The following ESRRG variants were observed in gnomAD, a reference collection of about 807,000 sequenced individuals.
ESRRG encodes the protein estrogen-related receptor gamma.
Under a neutral mutation model 44.0 loss-of-function variants are expected in ESRRG, and 13 were observed. The ratio of observed to expected loss-of-function variants is 0.30; its 90% CI spans 0.19 to 0.47. The LOEUF is 0.47. Ranked by LOEUF, ESRRG falls within the 20% of genes least tolerant of loss-of-function variation. The pLI, the probability that ESRRG is intolerant of heterozygous loss-of-function variation, is 1.00. For missense variants in ESRRG, 395 were observed against 580.6 expected (o/e 0.68, Z 3.29); for synonymous variants, 215 against 214.6 (o/e 1.00, Z -0.02).
intron 3 of ESRRG, 91 bp downstream of exon 3, chr1:216,650,882 T>A: frequency 1.3e-6 from 1 of 787,296 alleles, no homozygotes; most frequent in Non-Finnish European, 2.3e-6. Flanking sequence ...TTACCTCATC[T>A]TTTTCTGGTT....
chr1:216,576,294 G>GA lies in ESRRG; in HGVS notation c.590-8197dup, dbSNP rs201157661. ...TTATAAGGTCTGATGATATAAAAGA[G>GA]AAAAATCACACAGGGAGAGAAAATG... On this transcript the variant is annotated intron_variant, in intron 3 of 6. Transcript: ENST00000408911. Among the ~76,000 whole-genome samples the GA allele has an allele frequency of 1.8e-3, 263 of 148,808 alleles. 4 individuals are homozygous for GA. The East Asian group carries it at 0.035, about 20-fold the overall frequency.
intron 3 of ESRRG, among the ~76,000 whole-genome samples, chr1:216,608,492 T>G (rs2060216737): frequency 6.6e-6 from 1 of 152,208 alleles, no homozygotes; most frequent in Non-Finnish European, 1.5e-5. Flanking sequence ...AGGGAATCAC[T>G]GATTCACCAA....
At chr1:216,859,468 A>C (rs548100391) in intron 2 of ESRRG, among the ~76,000 whole-genome samples, 1 of 152,244 alleles carries the variant, frequency 6.6e-6, no homozygotes, top group South Asian at 2.1e-4. Flanking sequence ...ATTTGCAGAT[A>C]GTCCTTTTCA....
At chr1:216,725,383 G>A (rs1416022838), upstream of ESRRG, among the ~76,000 whole-genome samples, 2 of 151,880 alleles carry the variant, frequency 1.3e-5, no homozygotes, top group Non-Finnish European at 2.9e-5. Flanking sequence ...TGTGAGCAGT[G>A]AATTAAAAGA....
intron 1 of ESRRG, among the ~76,000 whole-genome samples, chr1:217,030,216 A>G (rs2081877035): frequency 1.3e-5 from 2 of 151,672 alleles, no homozygotes; most frequent in Admixed American, 1.3e-4. Flanking sequence ...TGATCAAACC[A>G]CAAGCCTCCC....
intron 1 of ESRRG, among the ~76,000 whole-genome samples, chr1:217,098,188 G>A (rs560861339): frequency 6.6e-6 from 1 of 152,136 alleles, no homozygotes; most frequent in Admixed American, 6.5e-5. Context: ...GACCCATAAA[G>A]CTTATCCCTT....
intron 2 of ESRRG, among the ~76,000 whole-genome samples, chr1:216,843,851 CT>C (rs1209843258): frequency 6.8e-6 from 1 of 146,766 alleles, no homozygotes; most frequent in African/African-American, 2.6e-5. Flanking sequence ...CTGTATTTCA[CT>C]TTCTCATTCT....
intron 5 of ESRRG, among the ~76,000 whole-genome samples, chr1:216,543,413 C>T (rs913736004): frequency 1.7e-4 from 26 of 151,968 alleles, no homozygotes; most frequent in Admixed American, 3.9e-4. Context: ...CCTGACAGCT[C>T]TTGATGAGTA....
At chr1:216,798,940 A>G (rs1164026155) in intron 2 of ESRRG, among the ~76,000 whole-genome samples, 1 of 152,162 alleles carries the variant, frequency 6.6e-6, no homozygotes, top group Non-Finnish European at 1.5e-5. Flanking sequence ...AGGTATATAA[A>G]TCATTGTCAC....
chr1:217,132,446 G>C (rs1377982358), intron 1 of ESRRG, among the ~76,000 whole-genome samples: 1 of 152,216 alleles, frequency 6.6e-6, no homozygotes, highest in Non-Finnish European at 1.5e-5. Flanking sequence ...GTGGGATTGA[G>C]AAAGGTGGGG....
chr1:216,911,349 C>T (rs570321268), intron 2 of ESRRG, among the ~76,000 whole-genome samples: 3 of 152,132 alleles, frequency 2.0e-5, no homozygotes, highest in Non-Finnish European at 4.4e-5. Flanking sequence ...AATGTGGAAC[C>T]TTAAATGGCA....
intron 2 of ESRRG, among the ~76,000 whole-genome samples, chr1:216,755,325 T>A (rs2092376838): frequency 6.6e-6 from 1 of 151,986 alleles, no homozygotes; most frequent in Non-Finnish European, 1.5e-5. Flanking sequence ...GAATTTCAAG[T>A]CATGATTTGC....
intron 2 of ESRRG, among the ~76,000 whole-genome samples, chr1:216,665,676 A>G (rs956137229): frequency 6.6e-6 from 1 of 152,188 alleles, no homozygotes; most frequent in Admixed American, 6.5e-5. Flanking sequence ...AAAATGGTTA[A>G]GATGGTAAAT....
intron 5 of ESRRG, among the ~76,000 whole-genome samples, chr1:216,533,148 C>T (rs192892959): frequency 1.3e-5 from 2 of 152,076 alleles, no homozygotes; most frequent in East Asian, 1.9e-4. Context: ...AAATGCACAT[C>T]CATGTGTATA....
rs2058655304 is a variant in ESRRG, at chr1:216,898,277, G to A, written c.-14+41305C>T. Among the ~76,000 whole-genome samples, 4 of 152,210 alleles carry A rather than the reference G, an allele frequency of 2.6e-5. No individual in the cohort carries two copies. In the South Asian group the frequency reaches 8.3e-4, roughly 32 times the overall value. Reference sequence around the variant, plus strand: ...TCATTAAGATTTGGCAGTGGAAGGTGGGACTCATTTCATATACCATTACCC... The same window carrying A: ...TCATTAAGATTTGGCAGTGGAAGGTAGGACTCATTTCATATACCATTACCC... On this transcript the variant is annotated intron_variant, in intron 2 of 7. Transcript: ENST00000359162.
chr1:216,842,309 A>G (rs1577141573), intron 2 of ESRRG, among the ~76,000 whole-genome samples: 1 of 152,262 alleles, frequency 6.6e-6, no homozygotes, highest in South Asian at 2.1e-4. Flanking sequence ...GTTCAGAAAG[A>G]CATTGCTTTC....
chr1:216,625,266 A>G (rs984041987), intron 3 of ESRRG, among the ~76,000 whole-genome samples: 1 of 152,086 alleles, frequency 6.6e-6, no homozygotes, highest in African/African-American at 2.4e-5. Context: ...AACTGTTGTT[A>G]TATTAACTCT....
intron 1 of ESRRG, among the ~76,000 whole-genome samples, chr1:217,020,597 A>G (rs1283257158): frequency 6.6e-6 from 1 of 152,184 alleles, no homozygotes; most frequent in Non-Finnish European, 1.5e-5. Context: ...GCACAATTAC[A>G]GAGTTTAGAG....
At chr1:217,126,022 G>C (rs1250902631) in intron 1 of ESRRG, among the ~76,000 whole-genome samples, 1 of 152,088 alleles carries the variant, frequency 6.6e-6, no homozygotes, top group Non-Finnish European at 1.5e-5. Flanking sequence ...ATAGGGTTTT[G>C]GATGGAATGC....
Sources: gnomAD v4.1 joint callset for allele counts (sites outside exome capture counted in the v4.1 genomes callset) on GRCh38, gnomAD v4.1.1 for gene constraint, MANE v1.5 for transcripts, NCBI Gene and HGNC (gene_info 2026-07-23, HGNC 2026-07-21) for gene names.